Variants in SUSD1 observed in about 807,000 individuals in gnomAD.
The protein encoded by SUSD1 is sushi domain-containing protein 1.
A neutral mutation model predicts 86.9 loss-of-function variants in SUSD1; 65 were observed. That is an observed-to-expected ratio of 0.75 (90% confidence interval 0.61 to 0.92). SUSD1 has a LOEUF of 0.92. SUSD1 is among the 40% of genes least tolerant of loss of function. The pLI, the probability that SUSD1 is intolerant of heterozygous loss-of-function variation, is 0.00. For missense variants in SUSD1, 850 were observed against 929.7 expected (o/e 0.91, Z 1.11); for synonymous variants, 346 against 350.0 (o/e 0.99, Z 0.13).
chr9:112,097,915 C>T (rs146303687), intron 10 of SUSD1, among the ~76,000 whole-genome samples: 93 of 152,310 alleles, frequency 6.1e-4, no homozygotes, highest in Middle Eastern at 3.4e-3. Flanking sequence ...GCACCACAGC[C>T]ATCCCACTAG....
intron 4 of SUSD1, 157 bp from the exon 5 acceptor site, chr9:112,142,656 C>T (rs1832629784): frequency 1.5e-6 from 1 of 650,702 alleles, no homozygotes; most frequent in African/African-American, 1.9e-5. Context: ...GGGAACATTT[C>T]CAACAATTGT....
chr9:112,152,034 CA>C (rs571802583), intron 2 of SUSD1, among the ~76,000 whole-genome samples: 121 of 135,378 alleles, frequency 8.9e-4, no homozygotes, highest in Middle Eastern at 4.2e-3. Context: ...AACTCCATCT[CA>C]AAAAAAAAAA....
intron 1 of SUSD1, among the ~76,000 whole-genome samples, chr9:112,164,488 G>A (rs62569084): frequency 2.3e-3 from 351 of 150,948 alleles, no homozygotes; most frequent in South Asian, 8.0e-3. Flanking sequence ...GCAAAGTTAC[G>A]TAAGCTATGA....
At chr9:112,076,009 G>A (rs1199584310) in intron 12 of SUSD1, among the ~76,000 whole-genome samples, 1 of 152,188 alleles carries the variant, frequency 6.6e-6, no homozygotes, top group African/African-American at 2.4e-5. Flanking sequence ...GAAAGGAGGA[G>A]AGCAGGGGGA....
At chr9:112,111,506 T>C in intron 8 of SUSD1, 148 bp downstream of exon 8, 1 of 1,039,720 alleles carries the variant, frequency 9.6e-7, no homozygotes, top group East Asian at 2.5e-5. Flanking sequence ...CTTGACCTGC[T>C]CTAGTTCTGT....
At chr9:112,149,221 A>T (rs1485717048) in intron 3 of SUSD1, 23 bp downstream of exon 3, 1 of 1,612,206 alleles carries the variant, frequency 6.2e-7, no homozygotes, top group Admixed American at 1.7e-5. Flanking sequence ...AATTGTCAAC[A>T]CCGCAGCCCC....
intron 5 of SUSD1, 106 bp from the exon 6 acceptor site, chr9:112,124,542 G>A (rs1340937867): frequency 1.1e-4 from 117 of 1,102,616 alleles, no homozygotes; most frequent in Non-Finnish European, 1.4e-4. Context: ...ACTCAAACAG[G>A]AAAAGAGAAA....
chr9:112,122,201 C>G (rs1040030950), intron 6 of SUSD1, among the ~76,000 whole-genome samples: 1 of 152,190 alleles, frequency 6.6e-6, no homozygotes, highest in Non-Finnish European at 1.5e-5. Context: ...GAGTCTCGCT[C>G]TATCCCCCAG....
chr9:112,046,013 C>G (rs1487302997), intron 15 of SUSD1, among the ~76,000 whole-genome samples: 2 of 152,228 alleles, frequency 1.3e-5, no homozygotes, highest in Non-Finnish European at 2.9e-5. Flanking sequence ...ATTCCTTACT[C>G]TAGACATAGT....
Position 112,142,457 on chromosome 9 carries a change from A to C in SUSD1, c.569T>G (p.Ile190Ser). The change falls in exon 5 of 17, where the codon ATC becomes AGC. Residue 190 changes from isoleucine (I) to serine (S), a missense_variant. Coordinates refer to ENST00000374270, the MANE Select transcript of SUSD1 (RefSeq NM_022486.5). ...GTPPEVPDGY[I>S]IGNYTSSLGS... Reference sequence around the variant, plus strand: ...CAGACTAGACGTATAATTTCCTATGATATAGCCATCTGGAACCTCAGGAGG... The same window carrying C: ...CAGACTAGACGTATAATTTCCTATGCTATAGCCATCTGGAACCTCAGGAGG... 2 of 1,613,920 alleles carry C rather than the reference A, an allele frequency of 1.2e-6. No individual in the cohort carries two copies. Among genetic ancestry groups the C allele is most frequent in the Non-Finnish European group, 8.5e-7 (1 of 1,179,982 alleles).
chr9:112,171,908 C>T (rs927851522), intron 1 of SUSD1, among the ~76,000 whole-genome samples: 1 of 152,064 alleles, frequency 6.6e-6, no homozygotes, highest in South Asian at 2.1e-4. Flanking sequence ...AGAGTATCTA[C>T]TCCGAGGCCA....
chr9:112,059,200 T>C (rs1286808032), intron 13 of SUSD1, among the ~76,000 whole-genome samples: 2 of 152,224 alleles, frequency 1.3e-5, no homozygotes, highest in African/African-American at 4.8e-5. Flanking sequence ...AATTCCAGTT[T>C]GAACCTAAAG....
intron 12 of SUSD1, among the ~76,000 whole-genome samples, chr9:112,076,632 G>A (rs982922230): frequency 3.9e-5 from 6 of 152,160 alleles, no homozygotes; most frequent in Non-Finnish European, 8.8e-5. Flanking sequence ...GAGAGGCTGG[G>A]ACTAGAAATT....
chr9:112,077,387 G>A (rs545713599), intron 12 of SUSD1, among the ~76,000 whole-genome samples: 2 of 152,042 alleles, frequency 1.3e-5, no homozygotes, highest in African/African-American at 2.4e-5. Flanking sequence ...CTCAGAGCAT[G>A]TGTGAAGTGG....
chr9:112,079,246 A>C (rs946613643), intron 11 of SUSD1, among the ~76,000 whole-genome samples: 1 of 152,116 alleles, frequency 6.6e-6, no homozygotes, highest in Non-Finnish European at 1.5e-5. Context: ...TATTATTTGT[A>C]TAATAAATAT....
At chr9:112,127,665 T>C (rs1171408178) in intron 5 of SUSD1, among the ~76,000 whole-genome samples, 3 of 152,232 alleles carry the variant, frequency 2.0e-5, no homozygotes, top group Non-Finnish European at 4.4e-5. Flanking sequence ...GTAAGATTTC[T>C]GCCCTCATGG....
chr9:112,071,749 C>T (rs139485952), intron 12 of SUSD1, among the ~76,000 whole-genome samples: 50 of 152,232 alleles, frequency 3.3e-4, no homozygotes, highest in East Asian at 1.5e-3. Flanking sequence ...ACAACTCCAC[C>T]GCCCAAAAAC....
At chr9:112,132,778 C>T (rs977506615) in intron 5 of SUSD1, among the ~76,000 whole-genome samples, 11 of 152,210 alleles carry the variant, frequency 7.2e-5, no homozygotes, top group African/African-American at 2.7e-4. Context: ...TTATTTTAAA[C>T]ATTAATCTTT....
At chr9:112,158,322 A>T (rs1833426348) in intron 1 of SUSD1, among the ~76,000 whole-genome samples, 1 of 152,048 alleles carries the variant, frequency 6.6e-6, no homozygotes, top group African/African-American at 2.4e-5. Flanking sequence ...TTCTCTACCT[A>T]GCTAGCACCT....
Sources: allele counts gnomAD v4.1 joint callset (sites outside exome capture counted in the v4.1 genomes callset), GRCh38; gene constraint gnomAD v4.1.1; transcripts MANE v1.5; gene names NCBI Gene and HGNC (gene_info 2026-07-23, HGNC 2026-07-21).